The following CCL28 variants were observed in gnomAD, a reference collection of about 807,000 sequenced individuals.
The protein encoded by CCL28 is C-C motif chemokine 28.
In CCL28, 4 loss-of-function variants were observed where a neutral mutation model predicts 7.1. The ratio of observed to expected loss-of-function variants is 0.56; its 90% CI spans 0.28 to 1.29. The LOEUF (loss-of-function observed/expected upper bound fraction) is 1.29. Ranked by LOEUF, CCL28 falls within the 50% of genes most tolerant of loss-of-function variation. The pLI, the probability that CCL28 is intolerant of heterozygous loss-of-function variation, is 0.11. For synonymous variants in CCL28, 55 were observed against 57.8 expected (o/e 0.95, Z 0.22); for missense variants, 151 against 163.4 (o/e 0.92, Z 0.41).
chr5:43,371,786 G>T (rs922625379), downstream of CCL28, among the ~76,000 whole-genome samples: 6 of 152,226 alleles, frequency 3.9e-5, no homozygotes, highest in African/African-American at 1.2e-4. Flanking sequence ...AAGTTTTGGG[G>T]TAACTTATTA....
chr5:43,372,609 T>A (rs1175711730), downstream of CCL28, among the ~76,000 whole-genome samples: 1 of 152,062 alleles, frequency 6.6e-6, no homozygotes, highest in Non-Finnish European at 1.5e-5. Flanking sequence ...CCTCAACTGA[T>A]TCACCCACCT....
chr5:43,395,975 C>T (rs1354263530), intron 1 of CCL28, among the ~76,000 whole-genome samples: 2 of 151,296 alleles, frequency 1.3e-5, no homozygotes, highest in African/African-American at 2.4e-5. Context: ...AGGTTCACGC[C>T]ATTCTCCTGC....
chr5:43,377,205 C>T (rs1284087031), downstream of CCL28: 6 of 152,350 alleles, frequency 3.9e-5, no homozygotes, highest in Non-Finnish European at 8.8e-5. Flanking sequence ...AAGCCTAATA[C>T]GTAGGCCAGG....
chr5:43,381,635 A>G lies in CCL28; in HGVS notation c.*225T>C. 1 of 445,608 alleles carries G rather than the reference A, an allele frequency of 2.2e-6. No homozygotes were observed. The highest frequency in any genetic ancestry group is 4.0e-6 in the Non-Finnish European group (1 of 252,656). 27.6% of individuals were successfully genotyped at this position (445,608 alleles called of 1,614,324 possible). A position where few individuals can be genotyped will look rare whatever the true frequency, so the allele number is the denominator to read the frequency against. On this transcript the variant is annotated 3_prime_UTR_variant, in exon 3 of 3. Transcript: ENST00000361115. ...TCAGCCTCCCGAAGTGCTGGGATAA[A>G]AGGTGTGAACCACCATACCCAGCCA...
chr5:43,359,609 T>G, the CCL28 span, among the ~76,000 whole-genome samples: 1 of 152,212 alleles, frequency 6.6e-6, no homozygotes, highest in African/African-American at 2.4e-5. Context: ...GGGGCCAGTT[T>G]ATGGCCAGAT....
intron 2 of CCL28, among the ~76,000 whole-genome samples, chr5:43,387,519 G>A (rs1740387367): frequency 6.6e-6 from 1 of 152,250 alleles, no homozygotes; most frequent in Admixed American, 6.5e-5. Flanking sequence ...CAAAAGCAGA[G>A]ATTGGATTGG....
chr5:43,376,705 A>C (rs1424730261), downstream of CCL28: 1 of 152,270 alleles, frequency 6.6e-6, no homozygotes, highest in Non-Finnish European at 1.5e-5. Context: ...GGAGATTCTT[A>C]AATCTCTGAA....
intron 1 of CCL28, among the ~76,000 whole-genome samples, chr5:43,388,735 G>T (rs1740442149): frequency 6.6e-6 from 1 of 152,212 alleles, no homozygotes; most frequent in East Asian, 1.9e-4. Flanking sequence ...AAGGATTCTG[G>T]TGGTACTGCA....
the CCL28 span, among the ~76,000 whole-genome samples, chr5:43,365,777 C>A: frequency 6.6e-6 from 1 of 152,196 alleles, no homozygotes; most frequent in African/African-American, 2.4e-5. Context: ...CTATTCTCCC[C>A]ATCACTTTCA....
At chr5:43,384,642 CT>C (rs532693039) in intron 2 of CCL28, among the ~76,000 whole-genome samples, 48 of 147,356 alleles carry the variant, frequency 3.3e-4, no homozygotes, top group East Asian at 7.9e-4. Context: ...GCCAATCCCC[CT>C]TTTTTTTTTT....
chr5:43,393,968 CT>C (rs1740693684), intron 1 of CCL28, among the ~76,000 whole-genome samples: 1 of 152,298 alleles, frequency 6.6e-6, no homozygotes, highest in East Asian at 1.9e-4. Flanking sequence ...TTCATAGTCA[CT>C]TTTGTGCTGC....
At chr5:43,361,445 T>C in the CCL28 span, among the ~76,000 whole-genome samples, 1 of 152,226 alleles carries the variant, frequency 6.6e-6, no homozygotes, top group African/African-American at 2.4e-5. Flanking sequence ...AGGTTGTCTA[T>C]TTACTCTGTT....
intron 1 of CCL28, among the ~76,000 whole-genome samples, chr5:43,391,043 T>C (rs576673427): frequency 6.6e-6 from 1 of 152,286 alleles, no homozygotes; most frequent in South Asian, 2.1e-4. Context: ...TGTGCTTCTG[T>C]AGAGTGTGTG....
At chr5:43,362,328 A>G in the CCL28 span, among the ~76,000 whole-genome samples, 17 of 152,142 alleles carry the variant, frequency 1.1e-4, no homozygotes, top group African/African-American at 3.6e-4. Flanking sequence ...TGATTTTTGT[A>G]TGTTGGTTTT....
chr5:43,378,322 G>A (rs541862097), downstream of CCL28, among the ~76,000 whole-genome samples: 3 of 152,266 alleles, frequency 2.0e-5, no homozygotes, highest in East Asian at 5.8e-4. Context: ...CTGCACTCCA[G>A]CCTGGGCAAC....
intron 1 of CCL28, among the ~76,000 whole-genome samples, chr5:43,401,981 T>C (rs1263444059): frequency 6.6e-6 from 1 of 152,180 alleles, no homozygotes; most frequent in East Asian, 1.9e-4. Context: ...GTGCTTTAGC[T>C]TCAGTGCATG....
At chr5:43,361,732 T>C in the CCL28 span, among the ~76,000 whole-genome samples, 2 of 152,196 alleles carry the variant, frequency 1.3e-5, no homozygotes, top group Admixed American at 6.5e-5. Context: ...CCAGCACTAT[T>C]TATTGAATAG....
At chr5:43,360,165 T>A in the CCL28 span, among the ~76,000 whole-genome samples, 2 of 152,196 alleles carry the variant, frequency 1.3e-5, no homozygotes, top group East Asian at 3.8e-4. Flanking sequence ...CGGGTAATCC[T>A]GCACAAATGA....
At chr5:43,364,434 T>C in the CCL28 span, among the ~76,000 whole-genome samples, 3 of 152,256 alleles carry the variant, frequency 2.0e-5, no homozygotes, top group African/African-American at 7.2e-5. Flanking sequence ...ATACAACATA[T>C]ATATATCAAA....
Sources: allele counts gnomAD v4.1 joint callset (sites outside exome capture counted in the v4.1 genomes callset), GRCh38; gene constraint gnomAD v4.1.1; transcripts MANE v1.5; gene names NCBI Gene and HGNC (gene_info 2026-07-23, HGNC 2026-07-21).